The following PCNX2 variants were observed in gnomAD, a reference collection of about 807,000 sequenced individuals.
The protein encoded by PCNX2 is pecanex 2.
PCNX2 carries 168 observed loss-of-function variants against 223.8 expected under a neutral mutation model. The ratio of observed to expected loss-of-function variants is 0.75; its 90% CI spans 0.66 to 0.85. The LOEUF (loss-of-function observed/expected upper bound fraction) is 0.85, where lower values mean the gene tolerates loss of function less well. Among genes scored for constraint, PCNX2 ranks in the 40% least tolerant of loss-of-function variants. PCNX2 has a pLI of 0.00. For missense variants in PCNX2, 2,507 were observed against 2,675.5 expected (o/e 0.94, Z 1.39); for synonymous variants, 1,006 against 1,052.6 (o/e 0.96, Z 0.86).
At chr1:233,225,654 T>A (rs539980867) in intron 10 of PCNX2, among the ~76,000 whole-genome samples, 1 of 152,328 alleles carries the variant, frequency 6.6e-6, no homozygotes, top group African/African-American at 2.4e-5. Context: ...CCAATGGATT[T>A]CCAATTAATT....
intron 23 of PCNX2, among the ~76,000 whole-genome samples, chr1:233,067,655 T>G (rs1183351300): frequency 6.6e-6 from 1 of 152,010 alleles, no homozygotes; most frequent in East Asian, 1.9e-4. Context: ...TGTATTTTAA[T>G]AGAGATGGGG....
intron 21 of PCNX2, among the ~76,000 whole-genome samples, chr1:233,102,564 G>A (rs1674544652): frequency 6.6e-6 from 1 of 152,026 alleles, no homozygotes; most frequent in African/African-American, 2.4e-5. Context: ...TTTTAACTGG[G>A]GTGAGATGAT....
chr1:233,258,433 T>A lies in PCNX2; in HGVS notation c.1429A>T (p.Asn477Tyr), dbSNP rs758367318. 1.2e-6 allele frequency: 2 copies of A among 1,613,888 alleles called. No homozygotes were observed. Among genetic ancestry groups the A allele is most frequent in the Non-Finnish European group, 1.7e-6 (2 of 1,179,858 alleles). Residue 477 changes from asparagine (N) to tyrosine (Y), a missense_variant, in exon 5 of 34, where the codon AAT becomes TAT. By Grantham distance (143) the Asn-to-Tyr change is moderately radical. Around this residue, in one of 3 missense-constraint regions of PCNX2, gnomAD observed 1,031 missense variants for 1,021.7 expected, o/e 1.01. Coordinates refer to ENST00000258229, the MANE Select transcript of PCNX2 (RefSeq NM_014801.4). ...CSGYGSGEGG[N>Y]AIKDHSSSSR... ...GAAGAACTGTGATCCTTGATGGCAT[T>A]TCCCCCCTCCCCAGATCCGTAGCCA... is the stretch of plus-strand genomic sequence containing the variant.
intron 21 of PCNX2, among the ~76,000 whole-genome samples, chr1:233,096,852 G>A (rs1309897983): frequency 6.6e-6 from 1 of 152,172 alleles, no homozygotes; most frequent in Non-Finnish European, 1.5e-5. Context: ...AAGTATTCAA[G>A]GAACCAAGAT....
chr1:233,225,598 T>C (rs1361130772), intron 10 of PCNX2, among the ~76,000 whole-genome samples: 3 of 152,170 alleles, frequency 2.0e-5, no homozygotes, highest in Non-Finnish European at 4.4e-5. Context: ...AATGAAAACA[T>C]AAGCTTTTAA....
rs150552667 is a variant in PCNX2 at position 233,130,666 on chromosome 1, G to T, written c.3837+4347C>A. Among the ~76,000 whole-genome samples, 244 of 151,786 alleles carry T rather than the reference G, an allele frequency of 1.6e-3. 9 individuals carry two copies. The East Asian group carries it at 0.034, about 21-fold the overall frequency. On this transcript the variant is annotated intron_variant, in intron 21 of 33. Coordinates refer to ENST00000258229, the MANE Select transcript of PCNX2 (RefSeq NM_014801.4). ...TGCCCGGCTAATTTTTGTATTTTTA[G>T]TAGAGACGGGGTTTCACCATGTTAG...
chr1:233,242,867 T>C (rs1658861352), intron 8 of PCNX2, among the ~76,000 whole-genome samples: 1 of 152,230 alleles, frequency 6.6e-6, no homozygotes, highest in South Asian at 2.1e-4. Flanking sequence ...TGAATCAATC[T>C]TGTGTTCTGG....
intron 7 of PCNX2, among the ~76,000 whole-genome samples, chr1:233,251,900 A>G (rs1316064244): frequency 6.6e-6 from 1 of 152,282 alleles, no homozygotes; most frequent in Non-Finnish European, 1.5e-5. Flanking sequence ...CTGAAAAAAT[A>G]TATCAAGGTC....
chr1:233,172,085 A>G (rs1679186182), intron 17 of PCNX2, among the ~76,000 whole-genome samples: 1 of 152,136 alleles, frequency 6.6e-6, no homozygotes, highest in Non-Finnish European at 1.5e-5. Context: ...AATATTTTCT[A>G]TGGTCTATAA....
At position 233,017,170 on chromosome 1, in the gene PCNX2, C is replaced by CCTCACAGCTATTCTAAAGCA. The variant is rs1553273760; in HGVS notation, c.4606-17_4606-16insTGCTTTAGAATAGCTGTGAG. The CCTCACAGCTATTCTAAAGCA allele has an allele frequency of 1.5e-6, 1 of 689,444 alleles. No individual in the cohort carries two copies. Among genetic ancestry groups the CCTCACAGCTATTCTAAAGCA allele is most frequent in the Non-Finnish European group, 1.9e-6 (1 of 518,260 alleles). The allele number at this position is 689,444 out of a possible 1,614,324, so 42.7% of individuals were successfully genotyped here. ...ATATTATACTCTGCAGAGAAAAAGC[C>CCTCACAGCTATTCTAAAGCA]AGGAAGATTTTATTTATTAATTTAA... is the stretch of plus-strand genomic sequence containing the variant. On this transcript the variant is annotated splice_polypyrimidine_tract_variant and intron_variant, in intron 26 of 33. Transcript: ENST00000258229.
At chr1:232,984,575 C>A in intron 33 of PCNX2, 98 bp from the exon 34 acceptor site, 1 of 1,338,268 alleles carries the variant, frequency 7.5e-7, no homozygotes, top group Non-Finnish European at 1.0e-6. Context: ...GAGCTAAAGG[C>A]TAGCGCTGCC....
intron 12 of PCNX2, among the ~76,000 whole-genome samples, chr1:233,212,470 T>G (rs1681874115): frequency 6.6e-6 from 1 of 152,204 alleles, no homozygotes; most frequent in Non-Finnish European, 1.5e-5. Context: ...ATCGTTGAAT[T>G]CTACAGAACA....
At chr1:233,127,897 T>G (rs1203662176) in intron 21 of PCNX2, among the ~76,000 whole-genome samples, 1 of 152,252 alleles carries the variant, frequency 6.6e-6, no homozygotes, top group African/African-American at 2.4e-5. Flanking sequence ...GCTCAATGAA[T>G]GAACAATTGC....
chr1:233,012,787 T>C (rs920457312), intron 28 of PCNX2, among the ~76,000 whole-genome samples: 5 of 152,226 alleles, frequency 3.3e-5, no homozygotes, highest in Admixed American at 2.6e-4. Flanking sequence ...ATGCCTTAGA[T>C]ATGAACTGAG....
chr1:233,143,432 A>G (rs1677243468), intron 19 of PCNX2, among the ~76,000 whole-genome samples: 1 of 152,288 alleles, frequency 6.6e-6, no homozygotes, highest in African/African-American at 2.4e-5. Flanking sequence ...TGATGCAAAT[A>G]CTCCTGGACC....
At chr1:233,167,958 A>G (rs974432407) in intron 17 of PCNX2, 3 of 410,494 alleles carry the variant, frequency 7.3e-6, no homozygotes, top group Non-Finnish European at 9.8e-6. Context: ...AAGAGAATTT[A>G]CTGGTACTGC....
At chr1:233,003,022 T>G (rs536725389) in intron 28 of PCNX2, among the ~76,000 whole-genome samples, 2 of 152,362 alleles carry the variant, frequency 1.3e-5, no homozygotes, top group South Asian at 2.1e-4. Flanking sequence ...GATTAAAGAC[T>G]TAAATGTTAG....
intron 22 of PCNX2, among the ~76,000 whole-genome samples, chr1:233,091,298 T>A (rs1673858978): frequency 6.6e-6 from 1 of 152,150 alleles, no homozygotes; most frequent in Admixed American, 6.6e-5. Flanking sequence ...CTAAGGAGGA[T>A]CTTATTTCTG....
At position 232,998,239 on chromosome 1, in the gene PCNX2, T is replaced by C; in HGVS notation, c.5791+12A>G. On this transcript the variant is annotated intron_variant, in intron 32 of 33. Coordinates refer to ENST00000258229, the MANE Select transcript of PCNX2 (RefSeq NM_014801.4). The stretch of plus-strand genomic sequence containing the variant: ...ACTTCATCGATAGTTTGGAGGCCCC[T>C]GCTGCACCCACCTGTTCTCTGTGTC... 6.5e-7 allele frequency: 1 copy of C among 1,544,930 alleles called. No individual in the cohort carries two copies. The highest frequency in any genetic ancestry group is 8.7e-7 in the Non-Finnish European group (1 of 1,146,234).
Sources: allele counts gnomAD v4.1 joint callset (sites outside exome capture counted in the v4.1 genomes callset), GRCh38; gene constraint gnomAD v4.1.1; regional missense constraint gnomAD v4.1.1; transcripts MANE v1.5; gene names NCBI Gene and HGNC (gene_info 2026-07-23, HGNC 2026-07-21).